Variants in ZNF638 observed in about 807,000 individuals in gnomAD.
ZNF638 encodes CTCL tumor antigen se33-1.
In ZNF638, 46 loss-of-function variants were observed where a neutral mutation model predicts 195.6. The ratio of observed to expected loss-of-function variants is 0.24; its 90% CI spans 0.19 to 0.30. The LOEUF (loss-of-function observed/expected upper bound fraction) is 0.30, where lower values mean the gene tolerates loss of function less well. Ranked by LOEUF, ZNF638 falls within the 10% of genes least tolerant of loss-of-function variation. ZNF638 has a pLI of 1.00. For missense variants in ZNF638, 2,440 were observed against 2,325.3 expected, an observed-to-expected ratio of 1.05 and a Z score of -1.01; for synonymous variants, 845 against 772.0, an observed-to-expected ratio of 1.09 and a Z score of -1.57.
intron 11 of ZNF638, among the ~76,000 whole-genome samples, 195 bp downstream of exon 11, chr2:71,396,386 ATAAT>A (rs1225142224): frequency 6.6e-6 from 1 of 152,266 alleles, no homozygotes; most frequent in South Asian, 2.1e-4. Context: ...AATTATTGAA[ATAAT>A]TAACTGGAGA....
chr2:71,404,056 C>G, intron 17 of ZNF638, 58 bp downstream of exon 17: 2 of 1,535,010 alleles, frequency 1.3e-6, no homozygotes, highest in Non-Finnish European at 1.8e-6. Flanking sequence ...AGATTTGTTA[C>G]AGTCTGTTAT....
chr2:71,408,357 A>G (rs546757587), intron 20 of ZNF638, 110 bp downstream of exon 20: 1 of 1,305,186 alleles, frequency 7.7e-7, no homozygotes, highest in Non-Finnish European at 1.0e-6. Flanking sequence ...GATTTTTATA[A>G]TTTGTGTTGC....
At position 71,364,344 on chromosome 2, in the gene ZNF638, A is replaced by G. The variant is rs185943364; in HGVS notation, c.1717+92A>G. On this transcript the variant is annotated intron_variant, in intron 5 of 27. Transcript: ENST00000264447. ...TGGATTTTGAGAAATGTTCTACTTT[A>G]TTAAATTTTAGAGTTGATAAATGAA... 748 of 1,346,684 alleles carry G rather than the reference A, an allele frequency of 5.6e-4. 3 individuals carry two copies. In the African/African-American group the frequency reaches 0.01, roughly 18 times the overall value. The allele number at this position is 1,346,684 out of a possible 1,614,324, so 83.4% of individuals were successfully genotyped here.
intron 8 of ZNF638, among the ~76,000 whole-genome samples, chr2:71,377,144 G>A (rs771320456): frequency 3.3e-5 from 5 of 152,040 alleles, no homozygotes; most frequent in African/African-American, 7.2e-5. Context: ...GTGGTGGCAC[G>A]CACCCAGCTG....
intron 7 of ZNF638, among the ~76,000 whole-genome samples, chr2:71,368,994 ATAAAGT>A (rs2079255975): frequency 6.6e-6 from 1 of 152,248 alleles, no homozygotes; most frequent in Non-Finnish European, 1.5e-5. Flanking sequence ...AACTCACATG[ATAAAGT>A]TAAGAACTGT....
intron 6 of ZNF638, among the ~76,000 whole-genome samples, chr2:71,368,104 C>G (rs2079238062): frequency 1.3e-5 from 2 of 151,918 alleles, no homozygotes; most frequent in South Asian, 4.1e-4. Flanking sequence ...CTATAAGATG[C>G]TATCAACAGA....
In ZNF638 at chr2:71,380,547, GT is replaced by G; in HGVS notation, c.2361del (p.Thr788LeufsTer15). 1 of 1,603,050 alleles carries G rather than the reference GT, an allele frequency of 6.2e-7. No individual in the cohort carries two copies. Among genetic ancestry groups the G allele is most frequent in the Non-Finnish European group, 8.5e-7 (1 of 1,175,684 alleles). On this transcript the variant is annotated frameshift_variant, in exon 10 of 28. Coordinates refer to ENST00000264447, the MANE Select transcript of ZNF638 (RefSeq NM_014497.5). LOFTEE classifies it high-confidence loss of function. The stretch of plus-strand genomic sequence containing the variant: ...AGATGCTTCAAAAGCTGTTGAAATT[GT>G]TACTTCAACTTCTGCTGGTAAGTTG... Reference protein sequence around the residue: ...DADASKAVEIVTSTSAAKTGQ... With the variant: ...DADASKAVEIXTSTSAAKTGQ...
intron 10 of ZNF638, among the ~76,000 whole-genome samples, chr2:71,390,537 C>T (rs1452539823): frequency 2.6e-5 from 4 of 152,056 alleles, no homozygotes; most frequent in South Asian, 2.1e-4. Context: ...CATATTCTTC[C>T]CCCTAAATCT....
In ZNF638 at chr2:71,435,036, G is replaced by A. The variant is rs910371549; in HGVS notation, c.*229G>A. 1.0e-5 allele frequency: 4 copies of A among 387,176 alleles called. No homozygotes were observed. The highest frequency in any genetic ancestry group is 8.4e-5 in the African/African-American group (4 of 47,366). 24.0% of individuals were successfully genotyped at this position (387,176 alleles called of 1,614,324 possible). On this transcript the variant is annotated 3_prime_UTR_variant, in exon 28 of 28. Coordinates refer to ENST00000264447, the MANE Select transcript of ZNF638 (RefSeq NM_014497.5). Reference sequence around the variant, plus strand: ...ATCTTTTAGAAGTGTTAAAATAAATGTTCCTACTGTATATTTAAAATACCA... The same window carrying A: ...ATCTTTTAGAAGTGTTAAAATAAATATTCCTACTGTATATTTAAAATACCA...
chr2:71,359,865 T>A (rs2079080392), intron 3 of ZNF638, among the ~76,000 whole-genome samples: 1 of 152,206 alleles, frequency 6.6e-6, no homozygotes, highest in Non-Finnish European at 1.5e-5. Context: ...TCTTTCTGGA[T>A]TATGATACAA....
At chr2:71,337,125 A>G (rs2078683410) in intron 1 of ZNF638, among the ~76,000 whole-genome samples, 1 of 150,856 alleles carries the variant, frequency 6.6e-6, no homozygotes, top group Non-Finnish European at 1.5e-5. Flanking sequence ...GCCTCTTGCC[A>G]TATTGCCTAT....
chr2:71,365,743 G>C (rs1482653204), intron 6 of ZNF638, 37 bp downstream of exon 6: 1 of 1,524,188 alleles, frequency 6.6e-7, no homozygotes, highest in Admixed American at 1.9e-5. Context: ...TAGAGATAAG[G>C]TTTCACTCTG....
At chr2:71,391,988 T>C (rs2104399573) in intron 10 of ZNF638, among the ~76,000 whole-genome samples, 1 of 152,270 alleles carries the variant, frequency 6.6e-6, no homozygotes, top group African/African-American at 2.4e-5. Flanking sequence ...CTAGAATGTG[T>C]TTTTTGCTCA....
intron 10 of ZNF638, 120 bp downstream of exon 10, chr2:71,380,685 C>A: frequency 3.0e-6 from 2 of 664,924 alleles, no homozygotes; most frequent in South Asian, 4.8e-5. Flanking sequence ...AAATTACATT[C>A]TTTAATTGGC....
chr2:71,387,653 A>G (rs560395344), intron 10 of ZNF638, among the ~76,000 whole-genome samples: 688 of 52,854 alleles, frequency 0.013, 5 homozygotes, highest in Non-Finnish European at 0.017. Context: ...CAACAGAGCA[A>G]GACTCTCTCA....
chr2:71,341,391 AAAAT>A (rs748058736), intron 1 of ZNF638, among the ~76,000 whole-genome samples: 7 of 152,188 alleles, frequency 4.6e-5, no homozygotes, highest in Admixed American at 1.3e-4. Flanking sequence ...TAAATTTAGA[AAAAT>A]AAAATGTCAA....
At chr2:71,431,482 G>C in intron 26 of ZNF638, 54 bp downstream of exon 26, 2 of 1,517,894 alleles carry the variant, frequency 1.3e-6, no homozygotes, top group Non-Finnish European at 1.8e-6. Flanking sequence ...AAAGTCGGCC[G>C]GGCGCGGTGG....
intron 23 of ZNF638, among the ~76,000 whole-genome samples, chr2:71,426,011 A>G (rs1366308631): frequency 6.6e-6 from 1 of 152,214 alleles, no homozygotes; most frequent in African/African-American, 2.4e-5. Flanking sequence ...ATCAATATAT[A>G]CTGATAAATG....
At chr2:71,371,156 TA>T (rs2079305143) in intron 8 of ZNF638, among the ~76,000 whole-genome samples, 2 of 152,218 alleles carry the variant, frequency 1.3e-5, no homozygotes, top group Non-Finnish European at 1.5e-5. Flanking sequence ...TCATCCATGT[TA>T]TTTTAAATAA....
Sources: allele counts gnomAD v4.1 joint callset (sites outside exome capture counted in the v4.1 genomes callset), GRCh38; gene constraint gnomAD v4.1.1; transcripts MANE v1.5; gene names NCBI Gene and HGNC (gene_info 2026-07-23, HGNC 2026-07-21).